ROBO1: variants seen among roughly 807,000 people sequenced by gnomAD.
The protein encoded by ROBO1 is roundabout homolog 1.
A neutral mutation model predicts 195.9 loss-of-function variants in ROBO1; 149 were observed. That is an observed-to-expected ratio of 0.76 (90% CI 0.67 to 0.87). ROBO1 has a LOEUF of 0.87. Ranked by LOEUF, ROBO1 falls within the 40% of genes least tolerant of loss-of-function variation. The pLI, the probability that ROBO1 is intolerant of heterozygous loss-of-function variation, is 0.00. For missense variants in ROBO1, 1,933 were observed against 2,068.3 expected (o/e 0.93, Z 1.27); for synonymous variants, 816 against 733.2 (o/e 1.11, Z -1.82).
intron 4 of ROBO1, among the ~76,000 whole-genome samples, chr3:78,899,858 T>C (rs912949531): frequency 3.3e-5 from 5 of 152,198 alleles, no homozygotes; most frequent in African/African-American, 9.6e-5. Flanking sequence ...ATTGATGTGA[T>C]AGGTTAGCAT....
At chr3:78,756,899 T>G (rs1252986372) in intron 4 of ROBO1, among the ~76,000 whole-genome samples, 1 of 152,148 alleles carries the variant, frequency 6.6e-6, no homozygotes, top group Non-Finnish European at 1.5e-5. Context: ...TTATTTTATT[T>G]TTTTGAGATA....
chr3:79,445,491 T>G (rs1245560521), intron 2 of ROBO1, among the ~76,000 whole-genome samples: 2 of 149,514 alleles, frequency 1.3e-5, no homozygotes, highest in Admixed American at 6.7e-5. Context: ...GTTTTTTTTT[T>G]TTTTTTTTTT....
intron 2 of ROBO1, among the ~76,000 whole-genome samples, chr3:79,570,298 A>AC (rs1260331460): frequency 6.6e-6 from 1 of 151,816 alleles, no homozygotes; most frequent in Non-Finnish European, 1.5e-5. Context: ...GAAAAAAAAA[A>AC]AACTGTTTTC....
At chr3:79,157,177 T>C (rs2080873981) in intron 2 of ROBO1, among the ~76,000 whole-genome samples, 1 of 151,874 alleles carries the variant, frequency 6.6e-6, no homozygotes, top group South Asian at 2.1e-4. Context: ...GAAATAGTCC[T>C]CTGGGGAAAT....
intron 26 of ROBO1, among the ~76,000 whole-genome samples, chr3:78,622,730 G>A (rs563156562): frequency 2.6e-5 from 4 of 152,146 alleles, no homozygotes; most frequent in Non-Finnish European, 5.9e-5. Flanking sequence ...ATGTTAACTG[G>A]CCTGGCAACT....
intron 3 of ROBO1, among the ~76,000 whole-genome samples, chr3:79,102,994 A>G (rs975459096): frequency 6.6e-6 from 1 of 151,850 alleles, no homozygotes; most frequent in Non-Finnish European, 1.5e-5. Context: ...AAAACTGAAA[A>G]GGAAACAATC....
At chr3:79,294,751 A>G (rs2109039625) in intron 2 of ROBO1, among the ~76,000 whole-genome samples, 1 of 152,342 alleles carries the variant, frequency 6.6e-6, no homozygotes, top group South Asian at 2.1e-4. Flanking sequence ...ACAAATTTAC[A>G]AGAAAAAAAC....
rs1488249580 is a variant in ROBO1, at chr3:79,229,986, G to T, written c.89-104447C>A. The stretch of plus-strand genomic sequence containing the variant: ...AGTATTAAAATGTAATTTCAAGAAA[G>T]TCTTCCAATCAGCGTTCTGTGAACT... On this transcript the variant is annotated intron_variant, in intron 2 of 30. Transcript: ENST00000464233. Among the ~76,000 whole-genome samples the T allele has an allele frequency of 8.5e-5, 13 of 152,062 alleles. No individual in the cohort carries two copies. In the East Asian group the frequency reaches 2.5e-3, roughly 29 times the overall value.
intron 2 of ROBO1, among the ~76,000 whole-genome samples, chr3:79,182,966 A>G (rs949394643): frequency 1.3e-5 from 2 of 151,538 alleles, no homozygotes; most frequent in South Asian, 4.2e-4. Context: ...CTGTAGTCCC[A>G]GCTACTCGGG....
chr3:79,553,330 T>G (rs1320549526), intron 2 of ROBO1, among the ~76,000 whole-genome samples: 1 of 152,058 alleles, frequency 6.6e-6, no homozygotes, highest in Non-Finnish European at 1.5e-5. Flanking sequence ...ATGATTCTGC[T>G]CTTTGATCAG....
intron 1 of ROBO1, among the ~76,000 whole-genome samples, chr3:79,631,847 T>C (rs757217412): frequency 6.6e-6 from 1 of 151,922 alleles, no homozygotes; most frequent in African/African-American, 2.4e-5. Context: ...AAAAAAGATA[T>C]AGAAGTGGCC....
chr3:78,618,516 T>C (rs75891243), intron 26 of ROBO1, among the ~76,000 whole-genome samples: 2,006 of 152,214 alleles, frequency 0.013, 51 homozygotes, highest in African/African-American at 0.042. Context: ...GCAAATGAAG[T>C]CATTCATCTT....
intron 2 of ROBO1, among the ~76,000 whole-genome samples, chr3:79,473,354 C>G (rs983478239): frequency 2.0e-5 from 3 of 152,224 alleles, no homozygotes; most frequent in African/African-American, 7.2e-5. Flanking sequence ...AATTGTCTCT[C>G]AGAGACTCCG....
At chr3:78,613,961 A>G (rs545819469) in intron 28 of ROBO1, among the ~76,000 whole-genome samples, 1 of 152,340 alleles carries the variant, frequency 6.6e-6, no homozygotes, top group South Asian at 2.1e-4. Flanking sequence ...GAGAGAATTT[A>G]TCTTACATGA....
chr3:78,653,877 G>C (rs1706831235), intron 18 of ROBO1, among the ~76,000 whole-genome samples: 1 of 152,180 alleles, frequency 6.6e-6, no homozygotes, highest in Non-Finnish European at 1.5e-5. Context: ...AGCATCCTGT[G>C]AAAGGCACAA....
At chr3:79,506,863 G>A (rs1940425850) in intron 2 of ROBO1, among the ~76,000 whole-genome samples, 1 of 152,236 alleles carries the variant, frequency 6.6e-6, no homozygotes, top group South Asian at 2.1e-4. Context: ...AAACTGGCAA[G>A]TAGGAAAGAG....
chr3:79,503,867 A>G (rs999451592), intron 2 of ROBO1, among the ~76,000 whole-genome samples: 1 of 152,238 alleles, frequency 6.6e-6, no homozygotes, highest in African/African-American at 2.4e-5. Context: ...CAATTAGGAT[A>G]AACTTTGGCA....
intron 2 of ROBO1, among the ~76,000 whole-genome samples, chr3:79,474,585 TTGTGC>T (rs1938450613): frequency 6.6e-6 from 1 of 152,102 alleles, no homozygotes; most frequent in South Asian, 2.1e-4. Flanking sequence ...TCTCCTTACT[TTGTGC>T]TTTAGGAGGG....
chr3:79,576,280 C>A (rs1225126769), intron 2 of ROBO1, among the ~76,000 whole-genome samples: 1 of 152,000 alleles, frequency 6.6e-6, no homozygotes, highest in African/African-American at 2.4e-5. Context: ...TGGAGCAATT[C>A]TCCTTTCCAA....
Sources: allele counts gnomAD v4.1 joint callset (sites outside exome capture counted in the v4.1 genomes callset), GRCh38; gene constraint gnomAD v4.1.1; transcripts MANE v1.5; gene names NCBI Gene and HGNC (gene_info 2026-07-23, HGNC 2026-07-21).